Variants in TBCK observed in about 807,000 individuals in gnomAD.
TBCK encodes the protein TBC domain-containing protein kinase-like protein.
A neutral mutation model predicts 113.4 loss-of-function variants in TBCK; 99 were observed. The ratio of observed to expected loss-of-function variants is 0.87; its 90% CI spans 0.74 to 1.03. The LOEUF is 1.03. TBCK is among the 50% of genes least tolerant of loss of function. The pLI, the probability that TBCK is intolerant of heterozygous loss-of-function variation, is 0.00. For synonymous variants in TBCK, 369 were observed against 370.8 expected (o/e 1.00, Z 0.05); for missense variants, 1,045 against 1,061.3 (o/e 0.98, Z 0.21).
intron 23 of TBCK, among the ~76,000 whole-genome samples, chr4:106,153,622 G>C (rs1463378261): frequency 1.3e-5 from 2 of 152,052 alleles, no homozygotes; most frequent in Non-Finnish European, 2.9e-5. Flanking sequence ...CTTCTTTGAT[G>C]ATTTTCTGTC....
chr4:106,057,402 C>T (rs998937884), intron 25 of TBCK, among the ~76,000 whole-genome samples: 2 of 151,840 alleles, frequency 1.3e-5, no homozygotes. Context: ...ATTTTCCAAA[C>T]GACTTTCCAA....
At position 106,229,459 on chromosome 4, in the gene TBCK, A is replaced by G. The variant is rs545782150; in HGVS notation, c.1774+904T>C. ...TAGAGGTCTAGTTTCATTCTTCTGC[A>G]TATGAAGATCTAATTTCCTCAGAAC... On this transcript the variant is annotated intron_variant, in intron 19 of 25. Transcript: ENST00000394708. Among the ~76,000 whole-genome samples the G allele has an allele frequency of 7.2e-5, 11 of 152,188 alleles. No homozygotes were observed. In the East Asian group the frequency reaches 1.9e-3, roughly 27 times the overall value.
chr4:106,295,499 A>G (rs879879395), intron 2 of TBCK, among the ~76,000 whole-genome samples: 1 of 152,230 alleles, frequency 6.6e-6, no homozygotes, highest in Non-Finnish European at 1.5e-5. Flanking sequence ...GATTAGATGA[A>G]TATATAAAGA....
chr4:106,281,700 A>T (rs1050898841), intron 3 of TBCK, among the ~76,000 whole-genome samples: 2 of 152,050 alleles, frequency 1.3e-5, no homozygotes, highest in Non-Finnish European at 2.9e-5. Context: ...CATTCTGTTG[A>T]TATTATGCAT....
chr4:106,245,562 G>T (rs1176142944), intron 10 of TBCK, among the ~76,000 whole-genome samples: 9 of 152,124 alleles, frequency 5.9e-5, no homozygotes, highest in Non-Finnish European at 1.3e-4. Context: ...CTTAAGGGGT[G>T]GCTAGAACGA....
intron 20 of TBCK, among the ~76,000 whole-genome samples, chr4:106,199,302 C>A (rs948834364): frequency 2.0e-5 from 3 of 152,002 alleles, no homozygotes; most frequent in Admixed American, 6.6e-5. Context: ...CATTTTTTTC[C>A]CTCCACTTGG....
At chr4:106,238,374 T>C (rs905731599) in intron 12 of TBCK, among the ~76,000 whole-genome samples, 1 of 152,028 alleles carries the variant, frequency 6.6e-6, no homozygotes, top group Non-Finnish European at 1.5e-5. Flanking sequence ...TATTAAATGG[T>C]TAGATAAGCT....
intron 1 of TBCK, among the ~76,000 whole-genome samples, chr4:106,312,648 T>C (rs1280423613): frequency 3.9e-5 from 6 of 151,986 alleles, no homozygotes; most frequent in East Asian, 3.8e-4. Context: ...ACTGTATGAG[T>C]ATGTTCATAG....
At chr4:106,085,992 G>C (rs58780037) in intron 25 of TBCK, among the ~76,000 whole-genome samples, 1 of 152,030 alleles carries the variant, frequency 6.6e-6, no homozygotes, top group Non-Finnish European at 1.5e-5. Flanking sequence ...ACATCAGAAA[G>C]CTAAAAAGAT....
intron 3 of TBCK, among the ~76,000 whole-genome samples, chr4:106,276,085 T>C (rs2125764056): frequency 6.6e-6 from 1 of 152,126 alleles, no homozygotes; most frequent in South Asian, 2.1e-4. Flanking sequence ...AGCAATGAAA[T>C]AATACAAAAA....
chr4:106,054,233 C>T (rs948883451), intron 25 of TBCK, among the ~76,000 whole-genome samples: 16 of 151,714 alleles, frequency 1.1e-4, no homozygotes, highest in African/African-American at 3.6e-4. Flanking sequence ...TCATCTACCT[C>T]TCTAATCTCA....
At chr4:106,300,986 C>T (rs1766876462) in intron 2 of TBCK, among the ~76,000 whole-genome samples, 1 of 151,926 alleles carries the variant, frequency 6.6e-6, no homozygotes, top group African/African-American at 2.4e-5. Flanking sequence ...ATTGAAGCTT[C>T]CATGAAGAAC....
chr4:106,061,454 T>TTTA (rs55846243), intron 25 of TBCK, among the ~76,000 whole-genome samples: 1 of 150,658 alleles, frequency 6.6e-6, no homozygotes, highest in Non-Finnish European at 1.5e-5. Flanking sequence ...TTTTTTTTTT[T>TTTA]AGCAATAAAG....
intron 24 of TBCK, among the ~76,000 whole-genome samples, chr4:106,107,830 G>A (rs1408504098): frequency 2.0e-5 from 3 of 152,076 alleles, no homozygotes; most frequent in Non-Finnish European, 4.4e-5. Context: ...CTATTCAAAA[G>A]AGCAATAAAT....
chr4:106,170,552 T>C (rs1243570010), intron 23 of TBCK, among the ~76,000 whole-genome samples: 2 of 152,126 alleles, frequency 1.3e-5, no homozygotes, highest in African/African-American at 4.8e-5. Flanking sequence ...AAGCAATACA[T>C]ACATATTAAC....
intron 3 of TBCK, among the ~76,000 whole-genome samples, chr4:106,287,932 A>C (rs1029668271): frequency 3.3e-5 from 5 of 152,082 alleles, no homozygotes; most frequent in African/African-American, 1.2e-4. Context: ...TTGTTGTTTT[A>C]AGCCACAAAG....
intron 20 of TBCK, among the ~76,000 whole-genome samples, chr4:106,211,199 C>T (rs192666777): frequency 6.6e-6 from 1 of 152,028 alleles, no homozygotes; most frequent in Non-Finnish European, 1.5e-5. Flanking sequence ...ATTTTAAATA[C>T]TTAATATTCT....
chr4:106,063,366 GTAAAAA>G (rs1344141293), intron 25 of TBCK, among the ~76,000 whole-genome samples: 3 of 151,858 alleles, frequency 2.0e-5, no homozygotes, highest in Non-Finnish European at 4.4e-5. Context: ...TTTAGAACAG[GTAAAAA>G]GACCCATGAC....
At chr4:106,081,506 C>T (rs1178289604) in intron 25 of TBCK, among the ~76,000 whole-genome samples, 1 of 152,098 alleles carries the variant, frequency 6.6e-6, no homozygotes, top group Non-Finnish European at 1.5e-5. Context: ...ACAACACACA[C>T]TGGGGCCTGT....
Sources: gnomAD v4.1 joint callset for allele counts (sites outside exome capture counted in the v4.1 genomes callset) on GRCh38, gnomAD v4.1.1 for gene constraint, MANE v1.5 for transcripts, NCBI Gene and HGNC (gene_info 2026-07-23, HGNC 2026-07-21) for gene names.